The following ST3GAL3 variants were observed in gnomAD, a reference collection of about 807,000 sequenced individuals.
ST3GAL3 encodes CMP-N-acetylneuraminate-beta-1,4-galactoside alpha-2,3-sialyltransferase.
A neutral mutation model predicts 50.1 loss-of-function variants in ST3GAL3; 21 were observed. That is an observed-to-expected ratio of 0.42 (90% CI 0.30 to 0.60). The LOEUF is 0.60. Among genes scored for constraint, ST3GAL3 ranks in the 20% least tolerant of loss-of-function variants. The pLI, the probability that ST3GAL3 is intolerant of heterozygous loss-of-function variation, is 0.19. For missense variants in ST3GAL3, 353 were observed against 489.4 expected, an observed-to-expected ratio of 0.72 and a Z score of 2.63; for synonymous variants, 183 against 190.0, an observed-to-expected ratio of 0.96 and a Z score of 0.30.
At chr1:43,805,948 C>T (rs2059830224) in intron 3 of ST3GAL3, among the ~76,000 whole-genome samples, 1 of 152,108 alleles carries the variant, frequency 6.6e-6, no homozygotes, top group Non-Finnish European at 1.5e-5. Context: ...GTTGGTCAGG[C>T]TGGTCTTTAA....
chr1:43,780,706 G>C (rs1699091569), intron 2 of ST3GAL3, among the ~76,000 whole-genome samples: 1 of 150,284 alleles, frequency 6.7e-6, no homozygotes, highest in African/African-American at 2.4e-5. Flanking sequence ...CATTTTCCAG[G>C]GTTACTTTTT....
At chr1:43,817,641 T>TCTCCTCCTCCTC (rs150373636) in intron 4 of ST3GAL3, among the ~76,000 whole-genome samples, 1 of 66,530 alleles carries the variant, frequency 1.5e-5, no homozygotes, top group Non-Finnish European at 3.3e-5. Flanking sequence ...TCCTCCTCCT[T>TCTCCTCCTCCTC]CTCCTCCTCC....
intron 9 of ST3GAL3, among the ~76,000 whole-genome samples, chr1:43,902,246 C>T (rs1218076778): frequency 5.3e-5 from 8 of 152,236 alleles, no homozygotes; most frequent in Admixed American, 5.2e-4. Context: ...CTGCAGAATT[C>T]TGGCAGGAGG....
chr1:43,824,698 C>G, intron 4 of ST3GAL3: 7 of 1,613,632 alleles, frequency 4.3e-6, no homozygotes, highest in Non-Finnish European at 5.9e-6. Context: ...GCTATGTGAT[C>G]AAGACTGAAA....
At chr1:43,750,155 C>T (rs1685474221) in intron 2 of ST3GAL3, among the ~76,000 whole-genome samples, 1 of 152,232 alleles carries the variant, frequency 6.6e-6, no homozygotes, top group South Asian at 2.1e-4. Flanking sequence ...AATGCCACTT[C>T]ACACCCATTA....
In ST3GAL3 at chr1:43,756,116, A is replaced by AAAAG. The variant is rs763780680; in HGVS notation, c.118+19738_118+19739insAGAA. On this transcript the variant is annotated intron_variant, in intron 2 of 11. Coordinates refer to ENST00000347631, the MANE Select transcript of ST3GAL3 (RefSeq NM_006279.5). ...AACCAGTCTCAAAAAAAAAAAAAAA[A>AAAAG]AAGAAGAAGAAGAAAAGAAAAGGAA... Among the ~76,000 whole-genome samples, 415 of 136,788 alleles carry AAAAG rather than the reference A, an allele frequency of 3.0e-3. 1 individual carries two copies. The highest frequency in any genetic ancestry group is 4.9e-3 in the South Asian group (22 of 4,446). The allele number at this position is 136,788 out of a possible 152,430, so 89.7% of individuals were successfully genotyped here.
chr1:43,894,329 A>G, intron 5 of ST3GAL3, 54 bp from the exon 6 acceptor site: 1 of 1,567,024 alleles, frequency 6.4e-7, no homozygotes, highest in Non-Finnish European at 8.8e-7. Flanking sequence ...AAGTGCCACC[A>G]GTAATCCAGA....
Position 43,717,835 on chromosome 1 carries a change from A to G in ST3GAL3, c.-31+10142A>G, listed in dbSNP as rs567900269. On this transcript the variant is annotated intron_variant, in intron 1 of 11. Coordinates refer to ENST00000347631, the MANE Select transcript of ST3GAL3 (RefSeq NM_006279.5). ...TATTTTCTAATGATGTATTTTACAC[A>G]TACAAGAACAGAACAAATAATTATA... Among the ~76,000 whole-genome samples the G allele has an allele frequency of 4.0e-5, 6 of 151,772 alleles. No homozygotes were observed. The South Asian group carries it at 8.3e-4, about 21-fold the overall frequency.
chr1:43,736,846 GAATC>G, intron 2 of ST3GAL3: 4 of 258,838 alleles, frequency 1.5e-5, no homozygotes, highest in Admixed American at 5.2e-5. Context: ...GTTGTCTACT[GAATC>G]TTTGTAGCCG....
intron 1 of ST3GAL3, among the ~76,000 whole-genome samples, chr1:43,735,403 C>T (rs1459123380): frequency 2.0e-5 from 3 of 152,016 alleles, no homozygotes; most frequent in Non-Finnish European, 2.9e-5. Context: ...CAAGATATGG[C>T]GGAGGGGGAA....
chr1:43,889,405 A>G (rs1471528338), intron 5 of ST3GAL3, among the ~76,000 whole-genome samples: 2 of 152,244 alleles, frequency 1.3e-5, no homozygotes, highest in African/African-American at 4.8e-5. Flanking sequence ...ATCATTAAAC[A>G]AAATCAATTA....
chr1:43,797,363 C>T (rs971909535), intron 3 of ST3GAL3, among the ~76,000 whole-genome samples: 1 of 152,002 alleles, frequency 6.6e-6, no homozygotes, highest in African/African-American at 2.4e-5. Flanking sequence ...ACTTGTGGCA[C>T]AATACTAGAA....
At chr1:43,801,164 A>G in intron 3 of ST3GAL3, 2 of 396,426 alleles carry the variant, frequency 5.0e-6, no homozygotes, top group South Asian at 3.7e-5. Flanking sequence ...TCATGTTTTT[A>G]TCCCATAAAA....
intron 2 of ST3GAL3, among the ~76,000 whole-genome samples, chr1:43,754,353 C>T (rs779148636): frequency 2.8e-4 from 42 of 152,068 alleles, no homozygotes; most frequent in East Asian, 1.9e-4. Context: ...GCACCCCATC[C>T]GGCTAATTTT....
Position 43,927,065 on chromosome 1 carries a change from C to T in ST3GAL3, c.1039-3067C>T, listed in dbSNP as rs567484954. Among the ~76,000 whole-genome samples, 24 of 152,320 alleles carry T rather than the reference C, an allele frequency of 1.6e-4. No homozygotes were observed. The East Asian group carries it at 2.9e-3, about 18-fold the overall frequency. On this transcript the variant is annotated intron_variant, in intron 11 of 11. Transcript: ENST00000347631. ...TTCATTCAGGCCGGGCGTGGTGGCTCACGCCTGTAATCTCAGCACTTTGGG... is the reference window on the plus strand; with the variant it reads ...TTCATTCAGGCCGGGCGTGGTGGCTTACGCCTGTAATCTCAGCACTTTGGG...
chr1:43,905,938 T>C (rs1571161277), intron 9 of ST3GAL3, among the ~76,000 whole-genome samples: 5 of 58,792 alleles, frequency 8.5e-5, no homozygotes, highest in South Asian at 9.8e-4. Flanking sequence ...TTCCCCCTCC[T>C]CCTCCTGCTC....
chr1:43,715,634 T>C (rs753359612), intron 1 of ST3GAL3, among the ~76,000 whole-genome samples: 7 of 150,362 alleles, frequency 4.7e-5, no homozygotes, highest in African/African-American at 1.2e-4. Context: ...TTCAAAAAAT[T>C]AAAAAATTAG....
At chr1:43,824,836 T>C (rs767356189) in intron 4 of ST3GAL3, 1 of 1,196,548 alleles carries the variant, frequency 8.4e-7, no homozygotes, top group Non-Finnish European at 1.2e-6. Flanking sequence ...CTCTAGAGAT[T>C]TTGAAGTCAC....
intron 4 of ST3GAL3, among the ~76,000 whole-genome samples, chr1:43,834,410 T>G (rs886279083): frequency 8.5e-5 from 13 of 152,172 alleles, no homozygotes; most frequent in African/African-American, 3.1e-4. Context: ...TTAAACCCAG[T>G]GAAACGAGTT....
Sources: allele counts gnomAD v4.1 joint callset (sites outside exome capture counted in the v4.1 genomes callset), GRCh38; gene constraint gnomAD v4.1.1; transcripts MANE v1.5; gene names NCBI Gene and HGNC (gene_info 2026-07-23, HGNC 2026-07-21).